The following GART variants were observed in gnomAD, a reference collection of about 807,000 sequenced individuals.
GART encodes the protein trifunctional purine biosynthetic protein adenosine-3.
In GART, 43 loss-of-function variants were observed where a neutral mutation model predicts 107.2. The observed-to-expected ratio is 0.40, with a 90% CI of 0.31 to 0.52. GART has a LOEUF of 0.52. Ranked by LOEUF, GART falls within the 20% of genes least tolerant of loss-of-function variation. The pLI, the probability that GART is intolerant of heterozygous loss-of-function variation, is 0.52. For synonymous variants in GART, 434 were observed against 427.0 expected (o/e 1.02, Z -0.20); for missense variants, 1,107 against 1,206.5 (o/e 0.92, Z 1.22).
chr21:33,525,249 T>C (rs1271112999), intron 10 of GART, among the ~76,000 whole-genome samples: 1 of 151,626 alleles, frequency 6.6e-6, no homozygotes, highest in Non-Finnish European at 1.5e-5. Flanking sequence ...TAAATAATAA[T>C]AGCCAAGTGT....
chr21:33,518,471 C>G (rs529356910), intron 14 of GART: 1 of 195,002 alleles, frequency 5.1e-6, no homozygotes, highest in Admixed American at 5.7e-5. Flanking sequence ...GAGCAAGACT[C>G]CATCTCAAAA....
intron 13 of GART, 102 bp from the exon 14 acceptor site, chr21:33,520,664 G>A (rs1316473187): frequency 9.6e-6 from 10 of 1,044,740 alleles, no homozygotes; most frequent in Admixed American, 7.3e-5. Flanking sequence ...AAAAGAACAC[G>A]AAATTCTGAC....
intron 16 of GART, among the ~76,000 whole-genome samples, chr21:33,513,083 TTGTGTGTGTGTGTGTGTGTCTCTGTGTG>T (rs1255388492): frequency 1.4e-5 from 2 of 142,240 alleles, no homozygotes; most frequent in Admixed American, 7.4e-5. Context: ...ACTTGGTTAT[TTGTGTGTGTGTGTGTGTGTCTCTGTGTG>T]TGTGTGTGTG....
chr21:33,515,934 C>T (rs1021445023), intron 16 of GART, among the ~76,000 whole-genome samples: 28 of 151,870 alleles, frequency 1.8e-4, no homozygotes, highest in African/African-American at 6.5e-4. Flanking sequence ...CCTGACACTG[C>T]GGACCAGTGT....
chr21:33,504,500 A>C lies in GART; in HGVS notation c.2753T>G (p.Leu918Trp), dbSNP rs2084645783. The change falls in exon 21 of 22, where the codon TTG becomes TGG. Residue 918 changes from leucine to tryptophan, a missense_variant. By Grantham distance (61) the Leu-to-Trp change is moderately conservative. Coordinates refer to ENST00000381815, the MANE Select transcript of GART (RefSeq NM_000819.5). ...NGKMLNIHPS[L>W]LPSFKGSNAH... is the part of the protein sequence containing the mutation. ...ATTTGAACCCTTAAAAGAAGGGAGC[A>C]AGGATGGGTGGATATTGAGCATTTT... The C allele has an allele frequency of 6.2e-7, 1 of 1,613,854 alleles. No individual in the cohort carries two copies. Among genetic ancestry groups the C allele is most frequent in the African/African-American group, 1.3e-5 (1 of 74,932 alleles).
intron 16 of GART, among the ~76,000 whole-genome samples, chr21:33,514,522 C>T (rs2084843260): frequency 6.6e-6 from 1 of 152,092 alleles, no homozygotes; most frequent in East Asian, 1.9e-4. Context: ...GACTGTTAAA[C>T]AGCCATTTTT....
Position 33,528,589 on chromosome 21 carries a change from C to T in GART, c.827G>A (p.Gly276Glu). 3 of 1,586,290 alleles carry T rather than the reference C, an allele frequency of 1.9e-6. No individual in the cohort carries two copies. The highest frequency in any genetic ancestry group is 2.6e-6 in the Non-Finnish European group (3 of 1,170,234). The part of the protein sequence containing the change: ...GTPYTGILYA[G>E]IMLTKNGPKV... Reference sequence around the variant, plus strand: ...TGGGCCATTCTTGGTCAGCATTATTCCAGCATAGAGAATACCTTCATTAAA... The same window carrying T: ...TGGGCCATTCTTGGTCAGCATTATTTCAGCATAGAGAATACCTTCATTAAA... Residue 276 changes from glycine to glutamate, a missense_variant, in exon 9 of 22, where the codon GGA (glycine) becomes GAA (glutamate). Transcript: ENST00000381815.
chr21:33,507,937 G>A (rs374366557), intron 18 of GART, among the ~76,000 whole-genome samples: 14 of 152,236 alleles, frequency 9.2e-5, no homozygotes, highest in African/African-American at 2.4e-4. Context: ...CATTTACAGG[G>A]ATGTGATTAT....
At chr21:33,513,541 G>T (rs1479641644) in intron 16 of GART, among the ~76,000 whole-genome samples, 1 of 152,084 alleles carries the variant, frequency 6.6e-6, no homozygotes, top group East Asian at 1.9e-4. Context: ...CTGTACTCCA[G>T]CCTGGGCGAC....
chr21:33,531,298 G>T, intron 6 of GART, 191 bp downstream of exon 6: 1 of 598,598 alleles, frequency 1.7e-6, no homozygotes, highest in Non-Finnish European at 2.9e-6. Flanking sequence ...AACACACTAG[G>T]GATGACTAAC....
At chr21:33,540,704 C>A (rs1333285554) in intron 1 of GART, among the ~76,000 whole-genome samples, 2 of 152,122 alleles carry the variant, frequency 1.3e-5, no homozygotes, top group African/African-American at 4.8e-5. Flanking sequence ...ACAAGACAAA[C>A]TGGTAACAGG....
rs9636610 is a variant in GART, at chr21:33,504,231, C to T, written c.2926G>A (p.Val976Ile). Residue 976 changes from valine (V) to isoleucine (I), a missense_variant, in exon 22 of 22, where the codon GTA (valine) becomes ATA (isoleucine). By Grantham distance (29) the Val-to-Ile change is conservative. Transcript: ENST00000381815. ...AATATTTTATGTTCTGCTAATTTTA[C>T]TCTTTCAGAAAGAGTTGCGACAGTA... ...GDTVATLSERVKLAEHKIFPA... is the reference protein window; with the variant it reads ...GDTVATLSERIKLAEHKIFPA... The T allele has an allele frequency of 2.7e-4, 443 of 1,614,190 alleles. 3 individuals are homozygous for T. In the East Asian group the frequency reaches 8.4e-3, roughly 31 times the overall value.
In GART at chr21:33,504,313, T is replaced by C. The variant is rs2084641987; in HGVS notation, c.2844A>G (p.Glu948=). The C allele has an allele frequency of 6.2e-7, 1 of 1,613,044 alleles. No homozygotes were observed. Among genetic ancestry groups the C allele is most frequent in the Non-Finnish European group, 8.5e-7 (1 of 1,179,150 alleles). The change falls in exon 22 of 22, where the codon GAA becomes GAG. Residue 948 remains glutamate (E), a splice_region_variant and synonymous_variant. Transcript: ENST00000381815. ...AAATAATCTGTCCAGCATCCACATC[T>C]TCCTGGAAAAGTAAGCAAAAGTTTT... ...VTGCTVHFVA[E]DVDAGQIILQ...
At chr21:33,504,999 A>T (rs974188451) in intron 20 of GART, among the ~76,000 whole-genome samples, 8 of 152,354 alleles carry the variant, frequency 5.3e-5, no homozygotes, top group African/African-American at 1.9e-4. Context: ...AAGAATACAT[A>T]AACTCTTTGG....
intron 11 of GART, chr21:33,523,935 C>G (rs1601200964): frequency 1.1e-6 from 1 of 891,164 alleles, no homozygotes; most frequent in Middle Eastern, 5.8e-4. Context: ...CCACTGCACT[C>G]CAGCCTGGGC....
chr21:33,528,235 G>T lies in GART; in HGVS notation c.998C>A (p.Thr333Asn), dbSNP rs768286094. The T allele has an allele frequency of 6.2e-7, 1 of 1,614,094 alleles. No individual in the cohort carries two copies. Among genetic ancestry groups the T allele is most frequent in the Non-Finnish European group, 8.5e-7 (1 of 1,180,004 alleles). The stretch of plus-strand genomic sequence containing the variant: ...ACTTGCCATGACAACAGTTAGGGCG[G>T]TGTGGTTTTCTAGCCAAACAGGCAG... ...TSLPVWLENH[T>N]ALTVVMASKG... The change falls in exon 10 of 22, where the codon ACC becomes AAC. Residue 333 changes from threonine (T) to asparagine (N), a missense_variant. By Grantham distance (65) the Thr-to-Asn change is moderately conservative (BLOSUM62 0). Coordinates refer to ENST00000381815, the MANE Select transcript of GART (RefSeq NM_000819.5).
chr21:33,519,904 T>C (rs2084940167), intron 14 of GART, among the ~76,000 whole-genome samples: 1 of 151,952 alleles, frequency 6.6e-6, no homozygotes, highest in Non-Finnish European at 1.5e-5. Flanking sequence ...AAACATTTCA[T>C]GTATAAAGAT....
At chr21:33,519,232 A>G (rs1420051311) in intron 14 of GART, 1 of 156,680 alleles carries the variant, frequency 6.4e-6, no homozygotes. Flanking sequence ...AAGATGGCAC[A>G]ATTTCTGGTT....
intron 1 of GART, among the ~76,000 whole-genome samples, 161 bp downstream of exon 1, chr21:33,541,904 T>G (rs552580357): frequency 6.6e-6 from 1 of 152,278 alleles, no homozygotes; most frequent in South Asian, 2.1e-4. Flanking sequence ...CAGCTAACAG[T>G]AGCAAGTGAA....
Sources: gnomAD v4.1 joint callset for allele counts (sites outside exome capture counted in the v4.1 genomes callset) on GRCh38, gnomAD v4.1.1 for gene constraint, MANE v1.5 for transcripts, NCBI Gene and HGNC (gene_info 2026-07-23, HGNC 2026-07-21) for gene names.